Variants in EIF5 observed in about 807,000 individuals in gnomAD.
The protein encoded by EIF5 is eukaryotic translation initiation factor 5.
Under a neutral mutation model 48.3 loss-of-function variants are expected in EIF5, and 10 were observed. That is an observed-to-expected ratio of 0.21 (90% CI 0.13 to 0.35). EIF5 has a LOEUF of 0.35. Ranked by LOEUF, EIF5 falls within the 10% of genes least tolerant of loss-of-function variation. The pLI is 1.00. For missense variants in EIF5, 397 were observed against 533.2 expected, an observed-to-expected ratio of 0.74 and a Z score of 2.51; for synonymous variants, 237 against 173.1, an observed-to-expected ratio of 1.37 and a Z score of -2.90.
Position 103,335,809 on chromosome 14 carries a change from G to T in EIF5, c.-52G>T. The T allele has an allele frequency of 5.1e-6, 8 of 1,558,802 alleles. No homozygotes were observed. The highest frequency in any genetic ancestry group is 5.3e-6 in the Non-Finnish European group (6 of 1,132,920). On this transcript the variant is annotated 5_prime_UTR_variant, in exon 3 of 12. Transcript: ENST00000216554. ...TTCTCCAGACAGAAGATACCAAAAA[G>T]TTGCAATCAAAGATCTCTTCATCTT...
rs1236874007 is a variant in EIF5 at position 103,338,799 on chromosome 14, A to G, written c.650A>G (p.Asp217Gly). ...TTEEAQRRRMDEISDHAKVLT... is the reference protein window; with the variant it reads ...TTEEAQRRRMGEISDHAKVLT... ...GAGGAAGCTCAAAGGCGTCGAATGG[A>G]TGAAATCAGTGACCATGCAAAAGTT... The change falls in exon 8 of 12, where the codon GAT (aspartate) becomes GGT (glycine). Residue 217 changes from aspartate (D) to glycine (G), a missense_variant. By Grantham distance (94) the Asp-to-Gly change is moderately conservative. This residue lies in a region of EIF5 where 126 missense variants were observed against 141.9 expected (regional missense o/e 0.89). Transcript: ENST00000216554. 1.2e-6 allele frequency: 2 copies of G among 1,614,096 alleles called. No homozygotes were observed. The highest frequency in any genetic ancestry group is 8.5e-7 in the Non-Finnish European group (1 of 1,180,042).
intron 8 of EIF5, 81 bp from the exon 9 acceptor site, chr14:103,339,091 A>T (rs1334205630): frequency 1.3e-6 from 2 of 1,520,498 alleles, no homozygotes; most frequent in Non-Finnish European, 1.8e-6. Flanking sequence ...AAATATGTTC[A>T]TCAGAGCAGG....
In EIF5 at chr14:103,344,029, CAG is replaced by C. The variant is rs2089384078; in HGVS notation, c.*2978_*2979del. The C allele has an allele frequency of 6.6e-6, 1 of 152,204 alleles. No individual in the cohort carries two copies. The highest frequency in any genetic ancestry group is 6.5e-5 in the Admixed American group (1 of 15,274). The allele number at this position is 152,204 out of a possible 1,614,324, so 9.4% of individuals were successfully genotyped here. On this transcript the variant is annotated 3_prime_UTR_variant, in exon 12 of 12. Transcript: ENST00000216554. Reference sequence around the variant, plus strand: ...GCCAGAGCAGTCTTAGTACCAGAAACAGTGTTGCACTTTCGTTGCATGTGCTG... The same window carrying C: ...GCCAGAGCAGTCTTAGTACCAGAAACTGTTGCACTTTCGTTGCATGTGCTG...
intron 6 of EIF5, 87 bp from the exon 7 acceptor site, chr14:103,338,240 A>G: frequency 6.5e-7 from 1 of 1,539,410 alleles, no homozygotes; most frequent in Non-Finnish European, 8.7e-7. Flanking sequence ...CCATAGGAAA[A>G]TAAGGGCAGG....
intron 5 of EIF5, 110 bp from the exon 6 acceptor site, chr14:103,337,006 A>G: frequency 7.4e-7 from 1 of 1,342,766 alleles, no homozygotes; most frequent in Non-Finnish European, 1.0e-6. Context: ...AAAGTAGGTC[A>G]CTGTGTGAAA....
rs565752794 is a variant in EIF5 at position 103,336,768 on chromosome 14, G to A, written c.246G>A (p.Ala82=). ...ACATTGTCAATGGATCTCATGAGGC[G>A]AATAAGCTGCAAGACATGTTGGATG... ...DRYIVNGSHE[A]NKLQDMLDGF... is the part of the protein sequence containing the mutation. The change falls in exon 5 of 12, where the codon GCG becomes GCA. Residue 82 remains alanine, a synonymous_variant. Coordinates refer to ENST00000216554, the MANE Select transcript of EIF5 (RefSeq NM_001969.5). 9.3e-6 allele frequency: 15 copies of A among 1,613,988 alleles called. No homozygotes were observed. Among genetic ancestry groups the A allele is most frequent in the African/African-American group, 5.3e-5 (4 of 74,900 alleles).
chr14:103,339,884 A>C, intron 10 of EIF5, 81 bp downstream of exon 10: 2 of 1,457,124 alleles, frequency 1.4e-6, no homozygotes, highest in Non-Finnish European at 1.8e-6. Flanking sequence ...TTGGAGACGG[A>C]GTCTCATTCT....
chr14:103,340,867 C>T (rs565665315), intron 11 of EIF5, 96 bp from the exon 12 acceptor site: 4 of 1,220,812 alleles, frequency 3.3e-6, no homozygotes, highest in South Asian at 1.3e-5. Context: ...ATAGCTGCAT[C>T]TAGGCAGTTT....
At position 103,341,680 on chromosome 14, in the gene EIF5, T is replaced by C. The variant is rs1463437234; in HGVS notation, c.*628T>C. 2 of 152,258 alleles carry C rather than the reference T, an allele frequency of 1.3e-5. No individual in the cohort carries two copies. The highest frequency in any genetic ancestry group is 2.4e-5 in the African/African-American group (1 of 41,438). 9.4% of individuals were successfully genotyped at this position (152,258 alleles called of 1,614,324 possible). ...TATGACCTCAGTGTCCTATAAATAA[T>C]GTAAGAGCAGGATTTGAAACTTGGA... On this transcript the variant is annotated 3_prime_UTR_variant, in exon 12 of 12. Transcript: ENST00000216554.
Position 103,339,173 on chromosome 14 carries a change from AAAAG to A in EIF5, c.753_756del (p.Glu252ArgfsTer20), listed in dbSNP as rs768318972. On this transcript the variant is annotated frameshift_variant and splice_region_variant, in exon 9 of 12. Transcript: ENST00000216554. LOFTEE classifies it high-confidence loss of function. Reference sequence around the variant, plus strand: ...GAATTGTTTTCCTTTTCTTTGCAGAAAAAGAAAGAAGAGGGTGTTATTGATTCAT... The same window carrying A: ...GAATTGTTTTCCTTTTCTTTGCAGAAAAAGAAGAGGGTGTTATTGATTCAT... 4.4e-6 allele frequency: 7 copies of A among 1,599,008 alleles called. No individual in the cohort carries two copies. The highest frequency in any genetic ancestry group is 1.8e-5 in the Admixed American group (1 of 54,998).
intron 6 of EIF5, 190 bp from the exon 7 acceptor site, chr14:103,338,137 A>G (rs1178937300): frequency 7.3e-6 from 6 of 818,354 alleles, no homozygotes; most frequent in African/African-American, 3.4e-5. Flanking sequence ...CCATTCTTAG[A>G]CTAACATTCT....
Position 103,343,946 on chromosome 14 carries a change from C to T in EIF5, c.*2894C>T, listed in dbSNP as rs561900141. The T allele has an allele frequency of 2.6e-5, 4 of 152,296 alleles. No homozygotes were observed. The highest frequency in any genetic ancestry group is 2.6e-4 in the Admixed American group (4 of 15,286). 9.4% of individuals were successfully genotyped at this position (152,296 alleles called of 1,614,324 possible). ...AGTAACCAGCAAATGCAAAGTTGAC[C>T]TTGTTCCTGCATCATCTTTTTGATG... On this transcript the variant is annotated 3_prime_UTR_variant, in exon 12 of 12. Coordinates refer to ENST00000216554, the MANE Select transcript of EIF5 (RefSeq NM_001969.5).
At chr14:103,338,012 C>T (rs1566721498) in intron 6 of EIF5, 2 of 565,140 alleles carry the variant, frequency 3.5e-6, no homozygotes, top group Non-Finnish European at 6.8e-6. Flanking sequence ...GAGTTAATGA[C>T]TTTGTTCATG....
At chr14:103,335,583 A>G (rs988789064) in intron 2 of EIF5, 70 bp from the exon 3 acceptor site, 4 of 504,954 alleles carry the variant, frequency 7.9e-6, no homozygotes, top group Non-Finnish European at 1.4e-5. Context: ...TGTAAAAAGG[A>G]GGCGTTTCCA....
chr14:103,338,288 G>A, intron 6 of EIF5, 39 bp from the exon 7 acceptor site: 1 of 1,603,164 alleles, frequency 6.2e-7, no homozygotes, highest in Non-Finnish European at 8.5e-7. Flanking sequence ...GGTAATGTAA[G>A]TTATGGGGTT....
At position 103,343,736 on chromosome 14, in the gene EIF5, T is replaced by A. The variant is rs1035829523; in HGVS notation, c.*2684T>A. ...AAAGCAGATAAGTGAGTTTGAACCT[T>A]TTGCATTTTGTTAGCTCAGTCAGTC... On this transcript the variant is annotated 3_prime_UTR_variant, in exon 12 of 12. Transcript: ENST00000216554. 3.3e-5 allele frequency: 5 copies of A among 152,194 alleles called. No homozygotes were observed. The highest frequency in any genetic ancestry group is 7.3e-5 in the Non-Finnish European group (5 of 68,046). 9.4% of individuals were successfully genotyped at this position (152,194 alleles called of 1,614,324 possible).
chr14:103,338,189 T>C, intron 6 of EIF5, 138 bp from the exon 7 acceptor site: 1 of 1,195,628 alleles, frequency 8.4e-7, no homozygotes, highest in Non-Finnish European at 1.2e-6. Flanking sequence ...TGAAGCCTCT[T>C]AGGTAGCATT....
intron 6 of EIF5, 60 bp downstream of exon 6, chr14:103,337,287 A>G: frequency 7.1e-7 from 1 of 1,413,956 alleles, no homozygotes. Context: ...GTTGGGAACA[A>G]AATAGAAGGT....
At position 103,339,736 on chromosome 14, in the gene EIF5, A is replaced by G. The variant is rs1321453728; in HGVS notation, c.1004A>G (p.His335Arg). The G allele has an allele frequency of 3.7e-6, 6 of 1,614,112 alleles. No homozygotes were observed. The highest frequency in any genetic ancestry group is 5.1e-6 in the Non-Finnish European group (6 of 1,180,046). The change falls in exon 10 of 12, where the codon CAT becomes CGT. Residue 335 changes from histidine (H) to arginine (R), a missense_variant. Transcript: ENST00000216554. ...GCTCAGCTTATCTCCAAGATTCCAC[A>G]TATCTTGAAGGAGATGTACGATGCA... ...HQAQLISKIP[H>R]ILKEMYDADL...
Sources: allele counts gnomAD v4.1 joint callset, GRCh38; gene constraint gnomAD v4.1.1; regional missense constraint gnomAD v4.1.1; transcripts MANE v1.5; gene names NCBI Gene and HGNC (gene_info 2026-07-23, HGNC 2026-07-21).